NDEL1: variants seen among roughly 807,000 people sequenced by gnomAD.
NDEL1 encodes the protein nudE neurodevelopment protein 1 like 1, also known as nuclear distribution protein nudE-like 1.
Under a neutral mutation model 45.7 loss-of-function variants are expected in NDEL1, and 9 were observed. The ratio of observed to expected loss-of-function variants is 0.20; its 90% CI spans 0.12 to 0.34. NDEL1 has a LOEUF of 0.34. NDEL1 is among the 10% of genes least tolerant of loss of function. The pLI, the probability that NDEL1 is intolerant of heterozygous loss-of-function variation, is 1.00. For synonymous variants in NDEL1, 133 were observed against 158.6 expected (o/e 0.84, Z 1.21); for missense variants, 306 against 406.2 (o/e 0.75, Z 2.12).
chr17:8,428,475 C>T (rs1249572643), intron 1 of NDEL1, among the ~76,000 whole-genome samples: 1 of 151,196 alleles, frequency 6.6e-6, no homozygotes, highest in Non-Finnish European at 1.5e-5. Flanking sequence ...AGCAATTCTC[C>T]TGCCTCAGCC....
At chr17:8,424,285 C>T (rs1190633039) in intron 1 of NDEL1, among the ~76,000 whole-genome samples, 1 of 152,160 alleles carries the variant, frequency 6.6e-6, no homozygotes, top group Non-Finnish European at 1.5e-5. Context: ...AACGTTGTTA[C>T]CATTTGGTTA....
At position 8,460,117 on chromosome 17, in the gene NDEL1, A is replaced by C; in HGVS notation, c.901A>C (p.Thr301Pro). The change falls in exon 8 of 9, where the codon ACA becomes CCA. Residue 301 changes from threonine (T) to proline (P), a missense_variant. Transcript: ENST00000334527. ...CTGTGGGGTGCTGAATGGCAATGGC[A>C]CAAAGTTCTCTCGATCAGGGCATAC... ...VNCGVLNGNGTKFSRSGHTSF... is the reference protein window; with the variant it reads ...VNCGVLNGNGPKFSRSGHTSF... The C allele has an allele frequency of 1.2e-6, 2 of 1,614,190 alleles. No individual in the cohort carries two copies. The highest frequency in any genetic ancestry group is 1.7e-6 in the Non-Finnish European group (2 of 1,180,036).
chr17:8,454,590 C>T (rs1874917), intron 6 of NDEL1, among the ~76,000 whole-genome samples: 146,610 of 152,292 alleles, frequency 0.96, 70,823 homozygotes, highest in East Asian at 1. Flanking sequence ...TGTAGCATTA[C>T]TTATAATGGC....
At chr17:8,438,797 C>A (rs189363961) in intron 1 of NDEL1, among the ~76,000 whole-genome samples, 1 of 151,766 alleles carries the variant, frequency 6.6e-6, no homozygotes, top group African/African-American at 2.4e-5. Context: ...TTAATATGCG[C>A]GAGCCACTGT....
chr17:8,470,593 C>T (rs1452586022), downstream of NDEL1, among the ~76,000 whole-genome samples: 1 of 152,214 alleles, frequency 6.6e-6, no homozygotes, highest in East Asian at 1.9e-4. This position sits in a 1 kb window ranked among gnomAD's most constrained non-coding sequence, Gnocchi z 4.2. Flanking sequence ...GGACACAGTG[C>T]TCTGACCTCA....
At chr17:8,451,848 T>A (rs1801381711) in intron 6 of NDEL1, among the ~76,000 whole-genome samples, 1 of 152,210 alleles carries the variant, frequency 6.6e-6, no homozygotes, top group Admixed American at 6.5e-5. Flanking sequence ...TCTTTTAGAA[T>A]GCTATGTGGG....
At chr17:8,441,781 C>T (rs1367504374) in intron 1 of NDEL1, among the ~76,000 whole-genome samples, 4 of 152,128 alleles carry the variant, frequency 2.6e-5, no homozygotes, top group Non-Finnish European at 5.9e-5. Context: ...CATCCTGGGA[C>T]TTTTCATTGC....
chr17:8,428,957 G>A (rs113453952), intron 1 of NDEL1, among the ~76,000 whole-genome samples: 3 of 152,224 alleles, frequency 2.0e-5, no homozygotes, highest in African/African-American at 4.8e-5. Context: ...ACAGGCATGA[G>A]CCACCGCGCC....
chr17:8,417,636 C>G (rs561829946), intron 1 of NDEL1, among the ~76,000 whole-genome samples: 1 of 152,228 alleles, frequency 6.6e-6, no homozygotes, highest in East Asian at 1.9e-4. Context: ...ATTGGGAACC[C>G]CCCAGAAGAA....
At chr17:8,436,591 C>G (rs894722111) in intron 1 of NDEL1, 4 of 152,290 alleles carry the variant, frequency 2.6e-5, no homozygotes. Context: ...TAATCATCCT[C>G]CCCCTGGAGT....
At chr17:8,471,147 T>TG (rs1911824730), downstream of NDEL1, among the ~76,000 whole-genome samples, 1 of 152,146 alleles carries the variant, frequency 6.6e-6, no homozygotes, top group Non-Finnish European at 1.5e-5. Context: ...TCTGCAAGTT[T>TG]TTTGTTGTTG....
downstream of NDEL1, among the ~76,000 whole-genome samples, chr17:8,471,861 ACT>A: frequency 6.6e-6 from 1 of 152,160 alleles, no homozygotes; most frequent in South Asian, 2.1e-4. Context: ...TTTGGCAAAA[ACT>A]CAACATCTGG....
chr17:8,443,629 T>C (rs979395348), intron 1 of NDEL1, among the ~76,000 whole-genome samples: 1 of 152,098 alleles, frequency 6.6e-6, no homozygotes, highest in Admixed American at 6.5e-5. Context: ...TCGCTTTTTT[T>C]CTCCTCTCTG....
intron 6 of NDEL1, 45 bp downstream of exon 6, chr17:8,450,998 G>A (rs1306798080): frequency 5.9e-6 from 9 of 1,537,330 alleles, no homozygotes; most frequent in African/African-American, 1.4e-5. Flanking sequence ...TAGATGATCA[G>A]CTTACGGGGG....
intron 8 of NDEL1, chr17:8,466,395 T>C (rs961657282): frequency 2.6e-5 from 4 of 153,626 alleles, no homozygotes; most frequent in African/African-American, 9.6e-5. Flanking sequence ...TTTAGCTGCA[T>C]GGATAGTAAT....
intron 8 of NDEL1, chr17:8,462,967 T>G (rs565295988): frequency 5.1e-6 from 1 of 197,384 alleles, no homozygotes; most frequent in African/African-American, 2.3e-5. Flanking sequence ...ACTTGAGGGC[T>G]TCTTGGAATC....
At chr17:8,420,464 G>T (rs1042637894) in intron 1 of NDEL1, among the ~76,000 whole-genome samples, 1 of 152,210 alleles carries the variant, frequency 6.6e-6, no homozygotes, top group Non-Finnish European at 1.5e-5. Context: ...GTACAGAAAG[G>T]ACTCTTGGCT....
chr17:8,461,904 G>GC (rs368506417), intron 8 of NDEL1, among the ~76,000 whole-genome samples: 98 of 152,214 alleles, frequency 6.4e-4, no homozygotes, highest in African/African-American at 2.3e-3. Context: ...TCGGACAGGT[G>GC]CCTGTGCGTG....
At chr17:8,456,361 T>C (rs1910841917) in intron 7 of NDEL1, among the ~76,000 whole-genome samples, 1 of 152,202 alleles carries the variant, frequency 6.6e-6, no homozygotes, top group Non-Finnish European at 1.5e-5. Context: ...CTTGAAATCA[T>C]GTGCTTATTT....
Sources: allele counts gnomAD v4.1 joint callset (sites outside exome capture counted in the v4.1 genomes callset), GRCh38; gene constraint gnomAD v4.1.1; non-coding constraint Gnocchi (gnomAD v3.1); transcripts MANE v1.5; gene names NCBI Gene and HGNC (gene_info 2026-07-23, HGNC 2026-07-21).